The following TRIM34 variants were observed in gnomAD, a reference collection of about 807,000 sequenced individuals.
TRIM34 encodes E3 ubiquitin-protein ligase TRIM34.
TRIM34 carries 41 observed loss-of-function variants against 38.1 expected under a neutral mutation model. The ratio of observed to expected loss-of-function variants is 1.08; its 90% CI spans 0.84 to 1.40. TRIM34 has a LOEUF of 1.40. Ranked by LOEUF, TRIM34 falls within the 40% of genes most tolerant of loss-of-function variation. The pLI, the probability that TRIM34 is intolerant of heterozygous loss-of-function variation, is 0.00. For synonymous variants in TRIM34, 200 were observed against 202.5 expected, an observed-to-expected ratio of 0.99 and a Z score of 0.10; for missense variants, 556 against 571.4, an observed-to-expected ratio of 0.97 and a Z score of 0.27.
chr11:5,621,895 T>C (rs1054653172), upstream of TRIM34, among the ~76,000 whole-genome samples: 1 of 152,140 alleles, frequency 6.6e-6, no homozygotes, highest in Non-Finnish European at 1.5e-5. Flanking sequence ...CATTTATTGA[T>C]TGATGTCTCA....
chr11:5,629,140 G>T (rs557333970), intron 1 of TRIM34, among the ~76,000 whole-genome samples: 1 of 152,162 alleles, frequency 6.6e-6, no homozygotes, highest in Admixed American at 6.5e-5. Context: ...AGTTGGGCGT[G>T]GTGGCATACA....
chr11:5,633,657 T>A, intron 2 of TRIM34, 147 bp from the exon 3 acceptor site: 1 of 680,834 alleles, frequency 1.5e-6, no homozygotes, highest in Non-Finnish European at 2.4e-6. Flanking sequence ...CTCAAAATTT[T>A]CCCCATGTCA....
chr11:5,635,025 GAAGT>G (rs1292709249), intron 4 of TRIM34, among the ~76,000 whole-genome samples, 164 bp downstream of exon 4: 1 of 151,930 alleles, frequency 6.6e-6, no homozygotes, highest in Non-Finnish European at 1.5e-5. Context: ...ATTAATTTAT[GAAGT>G]AAGGGAATAC....
chr11:5,620,698 C>A (rs1848964574), upstream of TRIM34, among the ~76,000 whole-genome samples: 1 of 152,122 alleles, frequency 6.6e-6, no homozygotes, highest in Admixed American at 6.6e-5. Context: ...GTGGGAGGGG[C>A]AGAAGTACTG....
At position 5,644,176 on chromosome 11, in the gene TRIM34, C is replaced by CAG; in HGVS notation, c.*470_*471dup. ...GGAAAATATGAGCAATATGTGTATT[C>CAG]AGAGTGAAGATTTTATGTCCAGAGT... is the stretch of plus-strand genomic sequence containing the variant. On this transcript the variant is annotated 3_prime_UTR_variant, in exon 8 of 8. Coordinates refer to ENST00000429814, the MANE Select transcript of TRIM34 (RefSeq NM_021616.6). 1 of 399,496 alleles carries CAG rather than the reference C, an allele frequency of 2.5e-6. No individual in the cohort carries two copies. Among genetic ancestry groups the CAG allele is most frequent in the Non-Finnish European group, 4.4e-6 (1 of 226,768 alleles). The allele number at this position is 399,496 out of a possible 1,614,324, so 24.7% of individuals were successfully genotyped here. A position where few individuals can be genotyped will look rare whatever the true frequency, so the allele number is the denominator to read the frequency against.
intron 4 of TRIM34, among the ~76,000 whole-genome samples, chr11:5,640,219 G>A (rs1849947269): frequency 6.6e-6 from 1 of 152,154 alleles, no homozygotes; most frequent in Non-Finnish European, 1.5e-5. Flanking sequence ...AAAGCATTCA[G>A]TTTTTCACCA....
rs1850134254 is a variant in TRIM34, at chr11:5,643,955, C to T, written c.*246C>T. ...GACACAGCAGTATGGGTATAACATCCTTGCCTTCCCATTTATCCATGTTTC... is the reference window on the plus strand; with the variant it reads ...GACACAGCAGTATGGGTATAACATCTTTGCCTTCCCATTTATCCATGTTTC... On this transcript the variant is annotated 3_prime_UTR_variant, in exon 8 of 8. Coordinates refer to ENST00000429814, the MANE Select transcript of TRIM34 (RefSeq NM_021616.6). The T allele has an allele frequency of 1.9e-6, 1 of 520,852 alleles. No homozygotes were observed. Among genetic ancestry groups the T allele is most frequent in the Admixed American group, 3.8e-5 (1 of 26,606 alleles). The allele number at this position is 520,852 out of a possible 1,614,324, so 32.3% of individuals were successfully genotyped here.
chr11:5,620,366 A>G (rs1053645425), upstream of TRIM34, among the ~76,000 whole-genome samples: 1 of 150,128 alleles, frequency 6.7e-6, no homozygotes. Context: ...TTTAGTAGAG[A>G]CGGGGTTTCA....
At chr11:5,631,943 G>A (rs1849499597) in intron 1 of TRIM34, among the ~76,000 whole-genome samples, 2 of 152,182 alleles carry the variant, frequency 1.3e-5, no homozygotes, top group Admixed American at 1.3e-4. Context: ...TGATGAGTTT[G>A]TGGTTGTGCT....
rs754661462 is a variant in TRIM34 at position 5,643,338 on chromosome 11, T to C, written c.1096T>C (p.Tyr366His). The C allele has an allele frequency of 7.4e-6, 12 of 1,613,882 alleles. No homozygotes were observed. In the South Asian group the frequency reaches 1.1e-4, roughly 15 times the overall value. ...GAAAACTGCCTGGATCCTGGGGGTA[T>C]ACTGTAGAACATATTCCCGCCATAT... is the stretch of plus-strand genomic sequence containing the variant. ...SKKTAWILGVYCRTYSRHMKY... is the reference protein window; with the variant it reads ...SKKTAWILGVHCRTYSRHMKY... Residue 366 changes from tyrosine to histidine, a missense_variant, in exon 8 of 8, where the codon TAC (tyrosine) becomes CAC (histidine). By Grantham distance (83) the Tyr-to-His change is moderately conservative (BLOSUM62 2). Transcript: ENST00000429814.
At chr11:5,629,279 A>G (rs1849378325) in intron 1 of TRIM34, among the ~76,000 whole-genome samples, 1 of 152,162 alleles carries the variant, frequency 6.6e-6, no homozygotes, top group African/African-American at 2.4e-5. Context: ...TCCATCTCAA[A>G]AAAAAACAAA....
intron 5 of TRIM34, 108 bp from the exon 6 acceptor site, chr11:5,642,296 GGA>G (rs1850046224): frequency 1.1e-6 from 1 of 941,018 alleles, no homozygotes; most frequent in East Asian, 2.5e-5. Flanking sequence ...TCAGGCTCAG[GGA>G]GAAGGGTTCA....
upstream of TRIM34, among the ~76,000 whole-genome samples, chr11:5,622,175 G>A (rs1003592457): frequency 2.0e-5 from 3 of 152,182 alleles, no homozygotes; most frequent in African/African-American, 4.8e-5. Context: ...GCTGGGCGCG[G>A]TGGCTCACAC....
Position 5,632,328 on chromosome 11 carries a change from T to C in TRIM34, c.-4T>C, listed in dbSNP as rs1203521939. The C allele has an allele frequency of 6.2e-7, 1 of 1,614,100 alleles. No individual in the cohort carries two copies. Among genetic ancestry groups the C allele is most frequent in the Non-Finnish European group, 8.5e-7 (1 of 1,180,014 alleles). ...GGACCAGAAGAAGCCAGGGAAGCAG[T>C]GCAATGGCTTCAAAAATCTTGCTTA... On this transcript the variant is annotated 5_prime_UTR_variant, in exon 2 of 8. Coordinates refer to ENST00000429814, the MANE Select transcript of TRIM34 (RefSeq NM_021616.6).
chr11:5,620,909 T>G (rs138863981), upstream of TRIM34, among the ~76,000 whole-genome samples: 8 of 152,348 alleles, frequency 5.3e-5, no homozygotes, highest in African/African-American at 1.9e-4. Flanking sequence ...TTTTGGCATT[T>G]TTGTTGCCAA....
intron 4 of TRIM34, among the ~76,000 whole-genome samples, chr11:5,640,196 T>A (rs1849946071): frequency 6.6e-6 from 1 of 152,200 alleles, no homozygotes; most frequent in South Asian, 2.1e-4. Flanking sequence ...TTGTCTTTTC[T>A]GATCTTCGGG....
intron 4 of TRIM34, among the ~76,000 whole-genome samples, chr11:5,637,066 A>G (rs189175607): frequency 0.036 from 5,480 of 152,242 alleles, 198 homozygotes; most frequent in East Asian, 0.16. Context: ...CCAGCTACTC[A>G]GGAGGCTGAG....
chr11:5,634,549 T>TA, intron 3 of TRIM34, 82 bp from the exon 4 acceptor site: 1 of 789,540 alleles, frequency 1.3e-6, no homozygotes, highest in Non-Finnish European at 1.8e-6. Flanking sequence ...ATATATATAT[T>TA]TCCCTACTGG....
chr11:5,622,572 C>T (rs1849030692), upstream of TRIM34, among the ~76,000 whole-genome samples: 1 of 152,070 alleles, frequency 6.6e-6, no homozygotes, highest in Admixed American at 6.5e-5. Context: ...GAGCCAAGAT[C>T]ATGCCATTGC....
Sources: allele counts gnomAD v4.1 joint callset (sites outside exome capture counted in the v4.1 genomes callset), GRCh38; gene constraint gnomAD v4.1.1; transcripts MANE v1.5; gene names NCBI Gene and HGNC (gene_info 2026-07-23, HGNC 2026-07-21).